The following PRKG1 variants were observed in gnomAD, a reference collection of about 807,000 sequenced individuals.
The protein encoded by PRKG1 is cGMP-dependent protein kinase 1.
In PRKG1, 35 loss-of-function variants were observed where a neutral mutation model predicts 88.1. The observed-to-expected ratio is 0.40, with a 90% CI of 0.30 to 0.53. The LOEUF (loss-of-function observed/expected upper bound fraction) is 0.53. PRKG1 is among the 20% of genes least tolerant of loss of function. The probability of loss-of-function intolerance (pLI) is 0.59; values close to 1 mark genes in which losing one functional copy is unlikely to be tolerated. For synonymous variants in PRKG1, 303 were observed against 292.5 expected, an observed-to-expected ratio of 1.04 and a Z score of -0.37; for missense variants, 540 against 839.8, an observed-to-expected ratio of 0.64 and a Z score of 4.41.
intron 2 of PRKG1, among the ~76,000 whole-genome samples, chr10:51,191,667 T>C (rs1306817749): frequency 2.0e-5 from 3 of 151,788 alleles, no homozygotes; most frequent in Non-Finnish European, 2.9e-5. Flanking sequence ...CTGGATGATA[T>C]TACCATTATC....
chr10:52,111,548 A>T (rs11592210), intron 7 of PRKG1, among the ~76,000 whole-genome samples: 45,888 of 152,086 alleles, frequency 0.3, 7,059 homozygotes, highest in South Asian at 0.4. Context: ...AATTTAAATA[A>T]AATTTGGGTT....
At chr10:52,121,249 G>A (rs140536467) in intron 7 of PRKG1, among the ~76,000 whole-genome samples, 8 of 152,276 alleles carry the variant, frequency 5.3e-5, no homozygotes, top group African/African-American at 1.4e-4. Context: ...GCCTGTGATT[G>A]GAGGGGCAGT....
chr10:51,233,400 C>A (rs2132112631), intron 2 of PRKG1, among the ~76,000 whole-genome samples: 2 of 152,256 alleles, frequency 1.3e-5, no homozygotes, highest in East Asian at 3.9e-4. Flanking sequence ...TGAGATTGTT[C>A]TAAGGAAAGC....
intron 5 of PRKG1, among the ~76,000 whole-genome samples, chr10:52,008,135 G>A (rs1844786558): frequency 6.6e-6 from 1 of 152,106 alleles, no homozygotes; most frequent in Non-Finnish European, 1.5e-5. Context: ...TCAGTATTAA[G>A]AGAGAAGTTT....
chr10:52,073,247 C>T (rs750714227), intron 7 of PRKG1, among the ~76,000 whole-genome samples: 14 of 152,162 alleles, frequency 9.2e-5, no homozygotes, highest in Non-Finnish European at 1.5e-4. Context: ...TATGGCAGCA[C>T]CTTAACTTGA....
intron 1 of PRKG1, among the ~76,000 whole-genome samples, chr10:51,152,100 T>G (rs1367494539): frequency 6.6e-6 from 1 of 152,098 alleles, no homozygotes; most frequent in Admixed American, 6.6e-5. Context: ...GTCCTCCTCC[T>G]GATAAAATAT....
At chr10:52,177,947 G>A (rs1337313072) in intron 9 of PRKG1, among the ~76,000 whole-genome samples, 2 of 143,266 alleles carry the variant, frequency 1.4e-5, no homozygotes, top group Admixed American at 1.4e-4. Context: ...ACAACTTTTT[G>A]TTTTATTGAG....
chr10:51,621,009 G>GTA (rs55657310), intron 3 of PRKG1, among the ~76,000 whole-genome samples: 1,685 of 121,898 alleles, frequency 0.014, 25 homozygotes, highest in African/African-American at 0.024. Flanking sequence ...GTATATGTGT[G>GTA]TATATATATA....
intron 10 of PRKG1, among the ~76,000 whole-genome samples, chr10:52,254,740 T>TGGGGGGGCCTGTCTATGAATAGGAAC (rs1841268004): frequency 6.6e-6 from 1 of 152,052 alleles, no homozygotes; most frequent in African/African-American, 2.4e-5. Context: ...GCAGAAGTAT[T>TGGGGGGGCCTGTCTATGAATAGGAAC]TTTCTACAGG....
rs75246470 is a variant in PRKG1, at chr10:52,183,041, A to G, written c.1076+21078A>G. Among the ~76,000 whole-genome samples the G allele has an allele frequency of 2.2e-3, 339 of 152,234 alleles. 1 individual carries two copies. The highest frequency in any genetic ancestry group is 7.2e-3 in the African/African-American group (298 of 41,552). ...GGGAGGAGGTATCAGGTTCTTTTAA[A>G]CAATCAGATCTCATGTAAACTCATA... On this transcript the variant is annotated intron_variant, in intron 9 of 17. Coordinates refer to ENST00000373980, the MANE Select transcript of PRKG1 (RefSeq NM_006258.4).
chr10:51,444,827 C>A (rs184884206), intron 2 of PRKG1, among the ~76,000 whole-genome samples: 1 of 151,850 alleles, frequency 6.6e-6, no homozygotes, highest in South Asian at 2.1e-4. Context: ...TTTTTCCACC[C>A]CAAAGAACTT....
intron 5 of PRKG1, among the ~76,000 whole-genome samples, chr10:52,015,637 T>A (rs1423956749): frequency 6.6e-6 from 1 of 152,252 alleles, no homozygotes; most frequent in African/African-American, 2.4e-5. Flanking sequence ...TTCTATTACA[T>A]GGTCAGGATG....
intron 2 of PRKG1, among the ~76,000 whole-genome samples, chr10:51,302,228 C>A (rs933173120): frequency 3.3e-5 from 5 of 152,202 alleles, no homozygotes; most frequent in Non-Finnish European, 7.3e-5. Flanking sequence ...GCCTTATAAG[C>A]ATGTCTTCCA....
chr10:51,354,481 A>G (rs1437208994), intron 2 of PRKG1, among the ~76,000 whole-genome samples: 2 of 152,142 alleles, frequency 1.3e-5, no homozygotes, highest in Admixed American at 6.6e-5. Context: ...AAATCATTCT[A>G]TTCTGTATTT....
At chr10:51,369,407 G>A (rs1842655238) in intron 2 of PRKG1, among the ~76,000 whole-genome samples, 1 of 152,038 alleles carries the variant, frequency 6.6e-6, no homozygotes, top group Non-Finnish European at 1.5e-5. Context: ...TGGGGCCTCT[G>A]TTATACCATC....
intron 4 of PRKG1, among the ~76,000 whole-genome samples, chr10:51,904,525 C>T (rs187268009): frequency 1.5e-3 from 222 of 151,958 alleles, no homozygotes; most frequent in African/African-American, 5.1e-3. Context: ...AAATTAATTA[C>T]GTGACAGAAT....
intron 1 of PRKG1, among the ~76,000 whole-genome samples, chr10:51,036,517 G>A (rs2132752622): frequency 6.6e-6 from 1 of 152,160 alleles, no homozygotes; most frequent in Middle Eastern, 3.4e-3. Flanking sequence ...GGAGCTGAGG[G>A]GCAGGGGAGA....
At chr10:51,571,493 A>G (rs895372118) in intron 3 of PRKG1, among the ~76,000 whole-genome samples, 3 of 151,918 alleles carry the variant, frequency 2.0e-5, no homozygotes, top group Non-Finnish European at 4.4e-5. Context: ...TATTTATGTT[A>G]TATTAAAGAA....
intron 3 of PRKG1, among the ~76,000 whole-genome samples, chr10:51,621,035 C>A (rs1017406774): frequency 2.0e-5 from 1 of 49,988 alleles, no homozygotes; most frequent in Non-Finnish European, 5.7e-5. Context: ...ATATATATGA[C>A]TCCTATATAT....
Sources: gnomAD v4.1 joint callset for allele counts (sites outside exome capture counted in the v4.1 genomes callset) on GRCh38, gnomAD v4.1.1 for gene constraint, MANE v1.5 for transcripts, NCBI Gene and HGNC (gene_info 2026-07-23, HGNC 2026-07-21) for gene names.